KCNQ3: variants seen among roughly 807,000 people sequenced by gnomAD.
KCNQ3 encodes the protein potassium voltage-gated channel subfamily KQT member 3.
In KCNQ3, 30 loss-of-function variants were observed where a neutral mutation model predicts 92.5. The observed-to-expected ratio is 0.32, with a 90% CI of 0.24 to 0.44. The LOEUF (loss-of-function observed/expected upper bound fraction) is 0.44, where lower values mean the gene tolerates loss of function less well. Ranked by LOEUF, KCNQ3 falls within the 20% of genes least tolerant of loss-of-function variation. The probability of loss-of-function intolerance (pLI) is 1.00; values close to 1 mark genes in which losing one functional copy is unlikely to be tolerated. For missense variants in KCNQ3, 913 were observed against 1,140.3 expected, an observed-to-expected ratio of 0.80 and a Z score of 2.87; for synonymous variants, 450 against 468.8, an observed-to-expected ratio of 0.96 and a Z score of 0.52.
chr8:132,352,992 C>T (rs1274125296), intron 1 of KCNQ3, among the ~76,000 whole-genome samples: 5 of 152,076 alleles, frequency 3.3e-5, no homozygotes, highest in African/African-American at 4.8e-5. Context: ...TTTGGGAGGT[C>T]GAGGCGGGTG....
In KCNQ3 at chr8:132,314,266, A is replaced by T. The variant is rs183277044; in HGVS notation, c.387-128085T>A. Among the ~76,000 whole-genome samples, 713 of 152,332 alleles carry T rather than the reference A, an allele frequency of 4.7e-3. 4 individuals carry two copies. Among genetic ancestry groups the T allele is most frequent in the African/African-American group, 0.017 (691 of 41,574 alleles). On this transcript the variant is annotated intron_variant, in intron 1 of 14. Transcript: ENST00000388996. ...TATTTTTATTAACAAACCAACAACA[A>T]CAATAACTCCAGCAACCATATGATG...
At chr8:132,229,754 G>T (rs1247087097) in intron 1 of KCNQ3, among the ~76,000 whole-genome samples, 1 of 152,068 alleles carries the variant, frequency 6.6e-6, no homozygotes, top group African/African-American at 2.4e-5. Flanking sequence ...CAAGAGGCAT[G>T]TTCTTGTCAA....
chr8:132,181,930 A>G (rs1343573069), intron 3 of KCNQ3, among the ~76,000 whole-genome samples: 1 of 152,052 alleles, frequency 6.6e-6, no homozygotes, highest in Non-Finnish European at 1.5e-5. Flanking sequence ...CTGTGGTCTC[A>G]GCTACTTGGG....
At chr8:132,154,507 T>TCCTTAC (rs1450807561) in intron 9 of KCNQ3, among the ~76,000 whole-genome samples, 9 of 152,110 alleles carry the variant, frequency 5.9e-5, no homozygotes, top group African/African-American at 2.2e-4. Flanking sequence ...TCTGTCTTCA[T>TCCTTAC]CCTTATCCTT....
At chr8:132,342,865 G>T (rs1009099590) in intron 1 of KCNQ3, among the ~76,000 whole-genome samples, 1 of 152,220 alleles carries the variant, frequency 6.6e-6, no homozygotes, top group Non-Finnish European at 1.5e-5. Flanking sequence ...ATTATGTGTA[G>T]TTCTTCATCA....
At chr8:132,258,996 T>C (rs1815686848) in intron 1 of KCNQ3, among the ~76,000 whole-genome samples, 1 of 152,078 alleles carries the variant, frequency 6.6e-6, no homozygotes, top group Non-Finnish European at 1.5e-5. Flanking sequence ...AATAAAACTA[T>C]TGAATTAGTA....
chr8:132,337,873 T>A (rs1242457387), intron 1 of KCNQ3, among the ~76,000 whole-genome samples: 1 of 152,226 alleles, frequency 6.6e-6, no homozygotes, highest in Non-Finnish European at 1.5e-5. Context: ...TCTGGCAGTA[T>A]AGAAATGAGC....
chr8:132,471,071 G>A (rs186828057), intron 1 of KCNQ3, among the ~76,000 whole-genome samples: 1 of 152,058 alleles, frequency 6.6e-6, no homozygotes, highest in Non-Finnish European at 1.5e-5. Context: ...CTTTTTGTTT[G>A]GGTGATTTAC....
At chr8:132,294,253 G>C (rs1410346648) in intron 1 of KCNQ3, among the ~76,000 whole-genome samples, 1 of 152,094 alleles carries the variant, frequency 6.6e-6, no homozygotes, top group Admixed American at 6.5e-5. Flanking sequence ...CACCGGCCTC[G>C]GCCTCCCAAA....
chr8:132,287,039 C>T (rs2130544368), intron 1 of KCNQ3, among the ~76,000 whole-genome samples: 1 of 147,916 alleles, frequency 6.8e-6, no homozygotes, highest in Admixed American at 6.6e-5. Flanking sequence ...CAAAATAAAC[C>T]TCTTTTCAGT....
chr8:132,223,199 G>A (rs916806617), intron 1 of KCNQ3, among the ~76,000 whole-genome samples: 1 of 152,122 alleles, frequency 6.6e-6, no homozygotes, highest in Non-Finnish European at 1.5e-5. Flanking sequence ...AAGAAAGGAA[G>A]GATGGAAAAG....
At position 132,125,328 on chromosome 8, in the gene KCNQ3, C is replaced by A. The variant is rs1295856176; in HGVS notation, c.*3934G>T. The A allele has an allele frequency of 1.3e-5, 2 of 152,142 alleles. No individual in the cohort carries two copies. The highest frequency in any genetic ancestry group is 1.3e-4 in the Admixed American group (2 of 15,274). 9.4% of individuals were successfully genotyped at this position (152,142 alleles called of 1,614,324 possible). ...TGTTCAATTTTCTATAGTTTCCAAG[C>A]TAGGAAGCATTTCTGTCTGTATAGA... is the stretch of plus-strand genomic sequence containing the variant. On this transcript the variant is annotated 3_prime_UTR_variant, in exon 15 of 15. Coordinates refer to ENST00000388996, the MANE Select transcript of KCNQ3 (RefSeq NM_004519.4).
At chr8:132,375,983 C>A (rs1819595944) in intron 1 of KCNQ3, among the ~76,000 whole-genome samples, 1 of 152,166 alleles carries the variant, frequency 6.6e-6, no homozygotes, top group Non-Finnish European at 1.5e-5. Flanking sequence ...TCCTTGAGGG[C>A]AGGGGGGTGT....
At chr8:132,441,933 A>G (rs149208329) in intron 1 of KCNQ3, among the ~76,000 whole-genome samples, 136 of 152,326 alleles carry the variant, frequency 8.9e-4, no homozygotes, top group African/African-American at 3.1e-3. Flanking sequence ...AGGGACATGG[A>G]TGGAGCTGGA....
At chr8:132,220,468 G>A (rs532260738) in intron 1 of KCNQ3, among the ~76,000 whole-genome samples, 14 of 152,276 alleles carry the variant, frequency 9.2e-5, no homozygotes, top group African/African-American at 3.1e-4. Flanking sequence ...TTAAAATATG[G>A]CCAGGTGTGG....
chr8:132,164,389 G>A (rs550236056), intron 8 of KCNQ3, among the ~76,000 whole-genome samples: 11 of 149,112 alleles, frequency 7.4e-5, no homozygotes, highest in Middle Eastern at 3.4e-3. Flanking sequence ...AGCCCAGCAC[G>A]TGAGAGTGCT....
chr8:132,392,023 C>T (rs182104991), intron 1 of KCNQ3, among the ~76,000 whole-genome samples: 11 of 152,176 alleles, frequency 7.2e-5, no homozygotes, highest in African/African-American at 2.7e-4. Flanking sequence ...TTTATCGGCA[C>T]GCATCCTGCT....
intron 1 of KCNQ3, among the ~76,000 whole-genome samples, chr8:132,410,749 A>T (rs1451647718): frequency 2.0e-5 from 3 of 152,238 alleles, no homozygotes; most frequent in Non-Finnish European, 2.9e-5. Context: ...GAGTTCCCCC[A>T]ATGTCAAGGT....
At chr8:132,353,204 C>A (rs1320383706) in intron 1 of KCNQ3, among the ~76,000 whole-genome samples, 1 of 151,304 alleles carries the variant, frequency 6.6e-6, no homozygotes, top group African/African-American at 2.4e-5. Context: ...CCAGCCTGGG[C>A]AACAAGAGTG....
Sources: gnomAD v4.1 joint callset for allele counts (sites outside exome capture counted in the v4.1 genomes callset) on GRCh38, gnomAD v4.1.1 for gene constraint, MANE v1.5 for transcripts, NCBI Gene and HGNC (gene_info 2026-07-23, HGNC 2026-07-21) for gene names.